PDZD2: variants seen among roughly 807,000 people sequenced by gnomAD.
PDZD2 encodes the protein PDZ domain-containing protein 2.
Under a neutral mutation model 220.7 loss-of-function variants are expected in PDZD2, and 90 were observed. The ratio of observed to expected loss-of-function variants is 0.41; its 90% CI spans 0.34 to 0.49. The LOEUF (loss-of-function observed/expected upper bound fraction) is 0.49. Among genes scored for constraint, PDZD2 ranks in the 20% least tolerant of loss-of-function variants. The pLI is 0.28. For synonymous variants in PDZD2, 1,375 were observed against 1,450.5 expected (o/e 0.95, Z 1.18); for missense variants, 3,174 against 3,608.5 (o/e 0.88, Z 3.08).
rs1737606165 is a variant in PDZD2 at position 31,860,605 on chromosome 5, G to A, written c.476+60881G>A. On this transcript the variant is annotated intron_variant, in intron 2 of 24. Coordinates refer to ENST00000438447, the MANE Select transcript of PDZD2 (RefSeq NM_178140.4). ...CCTCCTCTCAGTTTCTCCTTCTGTT[G>A]CAGGTGCCCACTCGGGGCCACATTT... Among the ~76,000 whole-genome samples the A allele has an allele frequency of 2.0e-5, 3 of 152,234 alleles. No homozygotes were observed. The South Asian group carries it at 6.2e-4, about 32-fold the overall frequency.
chr5:31,740,132 G>C (rs1424926738), intron 1 of PDZD2, among the ~76,000 whole-genome samples: 1 of 151,986 alleles, frequency 6.6e-6, no homozygotes, highest in Non-Finnish European at 1.5e-5. Flanking sequence ...TTGTCTTCAG[G>C]ATTGTACTGG....
chr5:31,735,230 G>A (rs1169902413), intron 1 of PDZD2, among the ~76,000 whole-genome samples: 1 of 152,150 alleles, frequency 6.6e-6, no homozygotes, highest in Admixed American at 6.5e-5. Context: ...ATGAGCTGAA[G>A]GGGCTGGTTC....
intron 2 of PDZD2, among the ~76,000 whole-genome samples, chr5:31,895,106 T>C (rs577969654): frequency 6.6e-6 from 1 of 152,306 alleles, no homozygotes; most frequent in East Asian, 1.9e-4. Flanking sequence ...GCCAGGCTGG[T>C]CTCAAACTCC....
intron 17 of PDZD2, among the ~76,000 whole-genome samples, chr5:32,072,574 T>C (rs1032865955): frequency 2.0e-5 from 3 of 152,040 alleles, no homozygotes; most frequent in African/African-American, 7.2e-5. Flanking sequence ...CTACTAAAAA[T>C]ACAAAAATTA....
intron 1 of PDZD2, among the ~76,000 whole-genome samples, chr5:31,730,125 G>C (rs1749437275): frequency 2.0e-5 from 3 of 152,200 alleles, no homozygotes; most frequent in Admixed American, 2.0e-4. Flanking sequence ...ACTGCGCCCA[G>C]CCCAGAGTTA....
chr5:32,013,157 C>G (rs1753460104), intron 6 of PDZD2, among the ~76,000 whole-genome samples: 1 of 152,040 alleles, frequency 6.6e-6, no homozygotes, highest in Non-Finnish European at 1.5e-5. Flanking sequence ...GAATGTATCC[C>G]TATGTCATTA....
chr5:31,661,499 A>G (rs1391201974), intron 1 of PDZD2: 1 of 152,204 alleles, frequency 6.6e-6, no homozygotes, highest in East Asian at 1.9e-4. Flanking sequence ...CTGAAACCCA[A>G]GCTGTAGAGA....
chr5:32,055,953 A>G (rs911704124), intron 10 of PDZD2, among the ~76,000 whole-genome samples: 4 of 152,130 alleles, frequency 2.6e-5, no homozygotes, highest in Non-Finnish European at 2.9e-5. Context: ...CAAAACGGGG[A>G]AAAAAAATCA....
rs749640596 is a variant in PDZD2 at position 31,799,724 on chromosome 5, G to A, written c.476G>A (p.Ser159Asn). Residue 159 changes from serine (S) to asparagine (N), a missense_variant and splice_region_variant, in exon 2 of 25, where the codon AGT (serine) becomes AAT (asparagine). Physicochemically the swap from Ser to Asn is conservative, Grantham distance 46. Transcript: ENST00000438447. ...GTTGGAGTTGATGTCAGTGGGGCCA[G>A]GTAAGTAGGGGGAATGCCTGCTGGC... ...LMVGVDVSGASYLAEQCWNGG... is the reference protein window; with the variant it reads ...LMVGVDVSGANYLAEQCWNGG... 4 of 1,598,264 alleles carry A rather than the reference G, an allele frequency of 2.5e-6. No individual in the cohort carries two copies. In the South Asian group the frequency reaches 4.4e-5, roughly 18 times the overall value.
At chr5:32,003,120 G>A (rs62643502) in intron 5 of PDZD2, among the ~76,000 whole-genome samples, 101,413 of 109,902 alleles carry the variant, frequency 0.92, 46,630 homozygotes, top group Non-Finnish European at 0.96. Context: ...AACACACCAC[G>A]CGCCACACAC....
At chr5:32,048,973 TGTG>T (rs769285386) in intron 8 of PDZD2, among the ~76,000 whole-genome samples, 6 of 152,202 alleles carry the variant, frequency 3.9e-5, no homozygotes, top group Non-Finnish European at 8.8e-5. Flanking sequence ...TCTCATAGTC[TGTG>T]GTGAACCAGC....
At chr5:31,998,784 T>A (rs963216293) in intron 4 of PDZD2, among the ~76,000 whole-genome samples, 11 of 152,196 alleles carry the variant, frequency 7.2e-5, no homozygotes, top group Non-Finnish European at 1.3e-4. Flanking sequence ...AGTTTACCAA[T>A]TTGTGTTGGG....
At chr5:31,796,230 T>A (rs555843071) in intron 1 of PDZD2, among the ~76,000 whole-genome samples, 48 of 152,156 alleles carry the variant, frequency 3.2e-4, no homozygotes, top group Non-Finnish European at 6.0e-4. Context: ...TTTTCTTTCA[T>A]TTTAAAGTCG....
chr5:31,727,233 T>C (rs1749201487), intron 1 of PDZD2, among the ~76,000 whole-genome samples: 1 of 152,150 alleles, frequency 6.6e-6, no homozygotes, highest in Admixed American at 6.5e-5. Context: ...AAGTGAGAAA[T>C]TCCTTGCCAA....
In PDZD2 at chr5:31,710,773, G is replaced by A. The variant is rs181171401; in HGVS notation, c.-361+71336G>A. On this transcript the variant is annotated intron_variant, in intron 1 of 24. Transcript: ENST00000438447. ...GGAGGTTGCAGTGAGCCGGGATCGC[G>A]CCATTGCACTCCAGCCTGGGCGACA... is the stretch of plus-strand genomic sequence containing the variant. Among the ~76,000 whole-genome samples, 215 of 151,044 alleles carry A rather than the reference G, an allele frequency of 1.4e-3. 1 individual carries two copies. The highest frequency in any genetic ancestry group is 4.9e-3 in the African/African-American group (203 of 41,058).
At chr5:31,974,277 A>C (rs1210406798) in intron 2 of PDZD2, among the ~76,000 whole-genome samples, 1 of 152,186 alleles carries the variant, frequency 6.6e-6, no homozygotes, top group Non-Finnish European at 1.5e-5. Context: ...CACCGCACCC[A>C]GCTGGCTGCA....
intron 2 of PDZD2, among the ~76,000 whole-genome samples, chr5:31,916,416 G>T (rs12520207): frequency 0.053 from 8,093 of 152,274 alleles, 646 homozygotes; most frequent in East Asian, 0.34. Flanking sequence ...TACTCCCACT[G>T]GGTCCCCGAT....
chr5:31,766,727 G>A (rs4475271), intron 1 of PDZD2, among the ~76,000 whole-genome samples: 25,593 of 137,298 alleles, frequency 0.19, 3,144 homozygotes, highest in East Asian at 0.49. Flanking sequence ...TAAACCTTAA[G>A]CAGAATTTTT....
At chr5:31,717,994 A>G (rs934212517) in intron 1 of PDZD2, among the ~76,000 whole-genome samples, 1 of 152,106 alleles carries the variant, frequency 6.6e-6, no homozygotes, top group Admixed American at 6.5e-5. Context: ...TCCTTCTCCT[A>G]ATTTCCCTTG....
Sources: gnomAD v4.1 joint callset for allele counts (sites outside exome capture counted in the v4.1 genomes callset) on GRCh38, gnomAD v4.1.1 for gene constraint, MANE v1.5 for transcripts, NCBI Gene and HGNC (gene_info 2026-07-23, HGNC 2026-07-21) for gene names.